TENM4: variants seen among roughly 807,000 people sequenced by gnomAD.
The protein encoded by TENM4 is teneurin-4.
Under a neutral mutation model 243.3 loss-of-function variants are expected in TENM4, and 82 were observed. That is an observed-to-expected ratio of 0.34 (90% CI 0.28 to 0.40). The LOEUF (loss-of-function observed/expected upper bound fraction) is 0.40. TENM4 is among the 10% of genes least tolerant of loss of function. TENM4 has a pLI of 1.00. For synonymous variants in TENM4, 1,412 were observed against 1,456.3 expected (o/e 0.97, Z 0.69); for missense variants, 3,138 against 3,673.3 (o/e 0.85, Z 3.77).
At chr11:78,741,620 T>C (rs1276184880) in intron 19 of TENM4, among the ~76,000 whole-genome samples, 45 of 152,252 alleles carry the variant, frequency 3.0e-4, no homozygotes. Context: ...TAATTTTTAA[T>C]AATGGCTGTG....
chr11:78,804,873 C>A (rs1037111293), intron 15 of TENM4, among the ~76,000 whole-genome samples: 5 of 152,134 alleles, frequency 3.3e-5, no homozygotes, highest in African/African-American at 9.7e-5. Context: ...GTTTGGACTT[C>A]ATTCTGAGAA....
At chr11:78,797,662 G>T (rs558392711) in intron 15 of TENM4, among the ~76,000 whole-genome samples, 2 of 152,256 alleles carry the variant, frequency 1.3e-5, no homozygotes, top group South Asian at 4.1e-4. Flanking sequence ...CCATCTCATT[G>T]TGTCTAAACC....
At chr11:78,934,805 G>A (rs1856746952) in intron 6 of TENM4, among the ~76,000 whole-genome samples, 1 of 152,150 alleles carries the variant, frequency 6.6e-6, no homozygotes, top group African/African-American at 2.4e-5. Flanking sequence ...TATGCTTTGT[G>A]TTAAAGCTGT....
At chr11:78,939,589 A>T (rs1372956915) in intron 6 of TENM4, among the ~76,000 whole-genome samples, 2 of 152,092 alleles carry the variant, frequency 1.3e-5, no homozygotes, top group Non-Finnish European at 2.9e-5. Context: ...AGCCTTCTTG[A>T]CCCCCACATA....
At chr11:78,781,753 C>T (rs780743626) in intron 16 of TENM4, among the ~76,000 whole-genome samples, 4 of 152,088 alleles carry the variant, frequency 2.6e-5, no homozygotes, top group Admixed American at 6.6e-5. Context: ...GATGGGTTGG[C>T]GGTTCTAGTC....
At chr11:79,274,043 C>T (rs1040041894) in intron 2 of TENM4, among the ~76,000 whole-genome samples, 3 of 152,070 alleles carry the variant, frequency 2.0e-5, no homozygotes, top group Admixed American at 6.5e-5. Flanking sequence ...CCCCACTGTG[C>T]GAGGGGGAAA....
chr11:78,801,596 G>T (rs920489839), intron 15 of TENM4, among the ~76,000 whole-genome samples: 19 of 152,220 alleles, frequency 1.2e-4, no homozygotes, highest in Admixed American at 1.2e-3. Flanking sequence ...AGGGCTGGTT[G>T]TTGAGTGCAG....
intron 2 of TENM4, among the ~76,000 whole-genome samples, chr11:79,237,676 C>G (rs1442418634): frequency 6.6e-6 from 1 of 151,886 alleles, no homozygotes; most frequent in Non-Finnish European, 1.5e-5. Context: ...GACTCCGTCT[C>G]AAAAAAATAA....
At chr11:79,113,392 GGTGTGT>G (rs113144339) in intron 4 of TENM4, among the ~76,000 whole-genome samples, 15 of 145,082 alleles carry the variant, frequency 1.0e-4, no homozygotes, top group Admixed American at 4.1e-4. Flanking sequence ...CTATTGGATT[GGTGTGT>G]GTGTGTGTGT....
At chr11:79,027,715 C>G (rs1279887395) in intron 6 of TENM4, among the ~76,000 whole-genome samples, 2 of 152,212 alleles carry the variant, frequency 1.3e-5, no homozygotes, top group Non-Finnish European at 2.9e-5. Context: ...CACCAGCCAG[C>G]TTAGGGCTTT....
intron 1 of TENM4, among the ~76,000 whole-genome samples, chr11:79,379,504 A>T (rs1565322273): frequency 6.6e-6 from 1 of 152,118 alleles, no homozygotes; most frequent in African/African-American, 2.4e-5. Flanking sequence ...GGGTGGTCCA[A>T]TTTGAGATGG....
chr11:79,266,624 G>A (rs1049264262), intron 2 of TENM4, among the ~76,000 whole-genome samples: 1 of 152,090 alleles, frequency 6.6e-6, no homozygotes, highest in Non-Finnish European at 1.5e-5. Context: ...TTCCACTTAC[G>A]CTGTGCACTA....
chr11:78,867,843 A>T (rs1859021686), intron 9 of TENM4, among the ~76,000 whole-genome samples: 1 of 152,204 alleles, frequency 6.6e-6, no homozygotes, highest in South Asian at 2.1e-4. Context: ...TAGAAATTTG[A>T]GGCAAGTTTA....
At chr11:79,226,337 A>G (rs1447620138) in intron 2 of TENM4, among the ~76,000 whole-genome samples, 1 of 152,192 alleles carries the variant, frequency 6.6e-6, no homozygotes. Context: ...CAGAGCTGCT[A>G]TATCAGCAGC....
chr11:78,729,512 C>A lies in TENM4; in HGVS notation c.3270G>T (p.Lys1090Asn), dbSNP rs1416321837. 1 of 1,613,930 alleles carries A rather than the reference C, an allele frequency of 6.2e-7. No individual in the cohort carries two copies. Among genetic ancestry groups the A allele is most frequent in the Non-Finnish European group, 8.5e-7 (1 of 1,179,864 alleles). ...THPTIPFNLM[K>N]VHLMVAVEGR... ...CCTCCACCGCTACCATGAGGTGCACCTTCATGAGGTTGAAGGGGATGGTCG... is the reference window on the plus strand; with the variant it reads ...CCTCCACCGCTACCATGAGGTGCACATTCATGAGGTTGAAGGGGATGGTCG... The change falls in exon 22 of 34, where the codon AAG (lysine) becomes AAT (asparagine). Residue 1090 changes from lysine to asparagine, a missense_variant. This residue lies in a region of TENM4 where 2,467 missense variants were observed against 3,059.1 expected (regional missense o/e 0.81). Coordinates refer to ENST00000278550, the MANE Select transcript of TENM4 (RefSeq NM_001098816.3).
rs78703345 is a variant in TENM4, at chr11:78,760,072, T to A, written c.2540-3051A>T. Reference sequence around the variant, plus strand: ...TAATTTTGATTTTCTCTCCGTCCCCTGACCCCCATACTCTGCAACCCAAAC... The same window carrying A: ...TAATTTTGATTTTCTCTCCGTCCCCAGACCCCCATACTCTGCAACCCAAAC... On this transcript the variant is annotated intron_variant, in intron 18 of 33. Coordinates refer to ENST00000278550, the MANE Select transcript of TENM4 (RefSeq NM_001098816.3). Among the ~76,000 whole-genome samples, 1,447 of 152,306 alleles carry A rather than the reference T, an allele frequency of 9.5e-3. 11 individuals are homozygous for A. Among genetic ancestry groups the A allele is most frequent in the Middle Eastern group, 0.017 (5 of 294 alleles).
rs1178149623 is a variant in TENM4, at chr11:78,653,657, G to C, written c.*4401C>G. On this transcript the variant is annotated 3_prime_UTR_variant, in exon 34 of 34. Coordinates refer to ENST00000278550, the MANE Select transcript of TENM4 (RefSeq NM_001098816.3). ...ATCCAGGGCTGCTGGGGCACCGCCA[G>C]ACACCTGAGGCTCAGCTCCTGCCAG... The C allele has an allele frequency of 2.0e-5, 3 of 152,286 alleles. No individual in the cohort carries two copies. Among genetic ancestry groups the C allele is most frequent in the African/African-American group, 7.2e-5 (3 of 41,464 alleles). 9.4% of individuals were successfully genotyped at this position (152,286 alleles called of 1,614,324 possible). A position where few individuals can be genotyped will look rare whatever the true frequency, so the allele number is the denominator to read the frequency against.
chr11:79,369,007 C>T (rs188337740), intron 1 of TENM4, among the ~76,000 whole-genome samples: 1 of 152,288 alleles, frequency 6.6e-6, no homozygotes, highest in Non-Finnish European at 1.5e-5. Flanking sequence ...TTGGTGGTTG[C>T]AATGTACACA....
At chr11:79,402,030 C>A (rs1175579955) in intron 1 of TENM4, 1 of 427,056 alleles carries the variant, frequency 2.3e-6, no homozygotes, top group East Asian at 6.1e-5. Context: ...GGTCCCTGCC[C>A]TCTAGAAGCT....
Sources: allele counts gnomAD v4.1 joint callset (sites outside exome capture counted in the v4.1 genomes callset), GRCh38; gene constraint gnomAD v4.1.1; regional missense constraint gnomAD v4.1.1; transcripts MANE v1.5; gene names NCBI Gene and HGNC (gene_info 2026-07-23, HGNC 2026-07-21).